The following TLN2 variants were observed in gnomAD, a reference collection of about 807,000 sequenced individuals.
The protein encoded by TLN2 is talin 2, also known as talin-2.
In TLN2, 118 loss-of-function variants were observed where a neutral mutation model predicts 294.7. The observed-to-expected ratio is 0.40, with a 90% CI of 0.34 to 0.47. The LOEUF is 0.47. Ranked by LOEUF, TLN2 falls within the 20% of genes least tolerant of loss-of-function variation. The pLI, the probability that TLN2 is intolerant of heterozygous loss-of-function variation, is 0.84. For missense variants in TLN2, 3,083 were observed against 3,282.2 expected, an observed-to-expected ratio of 0.94 and a Z score of 1.48; for synonymous variants, 1,431 against 1,304.5, an observed-to-expected ratio of 1.10 and a Z score of -2.09.
At chr15:62,569,960 T>C (rs2043728842) in intron 1 of TLN2, among the ~76,000 whole-genome samples, 1 of 152,232 alleles carries the variant, frequency 6.6e-6, no homozygotes, top group Non-Finnish European at 1.5e-5. Flanking sequence ...GTTTTCCCTT[T>C]CTGCCTTGTT....
chr15:62,702,929 C>T, intron 19 of TLN2, 65 bp downstream of exon 19: 1 of 1,427,710 alleles, frequency 7.0e-7, no homozygotes, highest in South Asian at 1.2e-5. Context: ...CCCGAGCAGG[C>T]AGAATGTAAT....
intron 1 of TLN2, among the ~76,000 whole-genome samples, chr15:62,536,642 G>A (rs1271128838): frequency 1.3e-5 from 2 of 151,952 alleles, no homozygotes; most frequent in Non-Finnish European, 2.9e-5. Flanking sequence ...TGCCATCTGT[G>A]CGATGTGATA....
chr15:62,658,535 C>T (rs1427784229), intron 9 of TLN2, among the ~76,000 whole-genome samples: 2 of 152,148 alleles, frequency 1.3e-5, no homozygotes, highest in Non-Finnish European at 1.5e-5. Context: ...AAACCTCTGC[C>T]CTTGGGTTAG....
intron 9 of TLN2, chr15:62,658,141 T>C (rs1378520964): frequency 4.3e-6 from 1 of 234,150 alleles, no homozygotes; most frequent in Non-Finnish European, 8.2e-6. Context: ...CCCCTTTTTT[T>C]CCTTCTACTT....
chr15:62,806,219 A>G (rs780231936), intron 51 of TLN2, among the ~76,000 whole-genome samples: 1 of 152,114 alleles, frequency 6.6e-6, no homozygotes, highest in Admixed American at 6.5e-5. Flanking sequence ...CACGCTGAAT[A>G]TGGCATACGC....
chr15:62,391,395 C>G (rs1318361559), intron 1 of TLN2, among the ~76,000 whole-genome samples: 1 of 152,242 alleles, frequency 6.6e-6, no homozygotes, highest in Non-Finnish European at 1.5e-5. Flanking sequence ...GCTGGCCTCA[C>G]ACAGACTCAG....
chr15:62,407,724 C>A (rs944166770), intron 1 of TLN2, among the ~76,000 whole-genome samples: 1 of 152,044 alleles, frequency 6.6e-6, no homozygotes, highest in Non-Finnish European at 1.5e-5. Flanking sequence ...CAAGACCAGC[C>A]TGGCCAACAT....
chr15:62,793,334 A>C (rs2065211973), intron 46 of TLN2, among the ~76,000 whole-genome samples: 1 of 152,232 alleles, frequency 6.6e-6, no homozygotes, highest in Non-Finnish European at 1.5e-5. Flanking sequence ...TCTGATTCTA[A>C]AGACAGTTGT....
chr15:62,463,045 G>A (rs182115350), intron 1 of TLN2, among the ~76,000 whole-genome samples: 2 of 152,148 alleles, frequency 1.3e-5, no homozygotes, highest in African/African-American at 2.4e-5. Flanking sequence ...CAGAGTAGGG[G>A]TGCCTCTTGC....
At chr15:62,690,393 C>G (rs2057752604) in intron 12 of TLN2, 1 of 165,298 alleles carries the variant, frequency 6.0e-6, no homozygotes, top group African/African-American at 2.6e-5. Flanking sequence ...CAGAGGCGCT[C>G]CCCACATCTC....
At chr15:62,655,899 A>G in intron 7 of TLN2, 45 bp from the exon 8 acceptor site, 1 of 1,606,002 alleles carries the variant, frequency 6.2e-7, no homozygotes, top group Non-Finnish European at 8.5e-7. Flanking sequence ...TTTAATTAAC[A>G]GGAAAAATAA....
rs1193393109 is a variant in TLN2, at chr15:62,662,862, C to T, written c.788+4964C>T. Among the ~76,000 whole-genome samples, 5 of 102,992 alleles carry T rather than the reference C, an allele frequency of 4.9e-5. No homozygotes were observed. In the Admixed American group the frequency reaches 5.7e-4, roughly 12 times the overall value. The allele number at this position is 102,992 out of a possible 152,430, so 67.6% of individuals were successfully genotyped here. A position where few individuals can be genotyped will look rare whatever the true frequency, so the allele number is the denominator to read the frequency against. On this transcript the variant is annotated intron_variant, in intron 9 of 58. Coordinates refer to ENST00000636159, the MANE Select transcript of TLN2 (RefSeq NM_015059.3). ...TTTTGGAGACAGAGTCTTGCTCTGT[C>T]GCCCAGGCTGGAGTGCAGTGGCGTG...
chr15:62,531,104 A>C (rs1398152194), intron 1 of TLN2, among the ~76,000 whole-genome samples: 1 of 152,244 alleles, frequency 6.6e-6, no homozygotes, highest in Admixed American at 6.5e-5. Context: ...ATTTGAAGTC[A>C]GTTTATGGAG....
chr15:62,535,712 C>T (rs751101919), intron 1 of TLN2, among the ~76,000 whole-genome samples: 2 of 152,078 alleles, frequency 1.3e-5, no homozygotes, highest in Non-Finnish European at 2.9e-5. Flanking sequence ...CCTGCCGCCA[C>T]GCCCGGCTAA....
At chr15:62,501,722 A>T (rs927906821) in intron 1 of TLN2, among the ~76,000 whole-genome samples, 1 of 152,222 alleles carries the variant, frequency 6.6e-6, no homozygotes, top group Non-Finnish European at 1.5e-5. Context: ...AATTGGACAT[A>T]GTTATATCAA....
intron 1 of TLN2, among the ~76,000 whole-genome samples, chr15:62,415,562 C>T (rs2034024344): frequency 2.0e-5 from 2 of 101,748 alleles, no homozygotes; most frequent in Admixed American, 1.3e-4. Context: ...GGACAGCTAA[C>T]AGTGCCCATT....
At chr15:62,676,120 G>A (rs904326776) in intron 11 of TLN2, among the ~76,000 whole-genome samples, 3 of 152,176 alleles carry the variant, frequency 2.0e-5, no homozygotes, top group African/African-American at 4.8e-5. Context: ...ACTGAAGTAG[G>A]AAGGACAAAA....
chr15:62,761,564 C>A, intron 37 of TLN2, 117 bp from the exon 38 acceptor site: 2 of 1,419,164 alleles, frequency 1.4e-6, no homozygotes, highest in African/African-American at 1.4e-5. Context: ...TATGAAGTCA[C>A]CAGAGATTTT....
chr15:62,770,977 C>A lies in TLN2; in HGVS notation c.5210C>A (p.Ala1737Glu). 1 of 1,576,244 alleles carries A rather than the reference C, an allele frequency of 6.3e-7. No homozygotes were observed. The highest frequency in any genetic ancestry group is 8.6e-7 in the Non-Finnish European group (1 of 1,167,058). Residue 1737 changes from alanine (A) to glutamate (E), a missense_variant, in exon 42 of 59, where the codon GCA becomes GAA. Transcript: ENST00000636159. ...TTTTTTTGAAAGGTGACACAACTGG[C>A]AAGCTATTTTGAGCCCTTGATCTTA... ...AQLGHKVTQLASYFEPLILAA... is the reference protein window; with the variant it reads ...AQLGHKVTQLESYFEPLILAA...
Sources: gnomAD v4.1 joint callset for allele counts (sites outside exome capture counted in the v4.1 genomes callset) on GRCh38, gnomAD v4.1.1 for gene constraint, MANE v1.5 for transcripts, NCBI Gene and HGNC (gene_info 2026-07-23, HGNC 2026-07-21) for gene names.